COL4A2: variants seen among roughly 807,000 people sequenced by gnomAD.
COL4A2 encodes the protein collagen type IV alpha 2 chain.
COL4A2 carries 99 observed loss-of-function variants against 200.2 expected under a neutral mutation model. The ratio of observed to expected loss-of-function variants is 0.49; its 90% CI spans 0.42 to 0.58. COL4A2 has a LOEUF of 0.58. Ranked by LOEUF, COL4A2 falls within the 20% of genes least tolerant of loss-of-function variation. COL4A2 has a pLI of 0.00. For missense variants in COL4A2, 1,950 were observed against 2,314.1 expected, an observed-to-expected ratio of 0.84 and a Z score of 3.23; for synonymous variants, 897 against 900.6, an observed-to-expected ratio of 1.00 and a Z score of 0.07.
At chr13:110,310,365 A>G (rs1242616346) in intron 3 of COL4A2, among the ~76,000 whole-genome samples, 2 of 152,214 alleles carry the variant, frequency 1.3e-5, no homozygotes, top group Non-Finnish European at 2.9e-5. Context: ...CCCACATGAT[A>G]CCAGAATCTG....
At chr13:110,408,627 C>T (rs1013501085) in intron 4 of COL4A2, among the ~76,000 whole-genome samples, 4 of 152,148 alleles carry the variant, frequency 2.6e-5, no homozygotes, top group East Asian at 3.8e-4. Context: ...AAGCGGGATG[C>T]GCTGGTGTGG....
chr13:110,445,774 CTTTTTGGAG>C, intron 16 of COL4A2, 46 bp from the exon 17 acceptor site: 1 of 1,603,322 alleles, frequency 6.2e-7, no homozygotes, highest in East Asian at 2.2e-5. Flanking sequence ...ATTGCAGTCC[CTTTTTGGAG>C]TTATACATCA....
chr13:110,385,060 C>T (rs1878632727), intron 4 of COL4A2, among the ~76,000 whole-genome samples: 1 of 152,058 alleles, frequency 6.6e-6, no homozygotes, highest in Non-Finnish European at 1.5e-5. Flanking sequence ...GTCAGGAGAT[C>T]GAGACCGTCT....
intron 40 of COL4A2, among the ~76,000 whole-genome samples, chr13:110,496,997 T>G (rs28553946): frequency 6.8e-6 from 1 of 147,802 alleles, no homozygotes; most frequent in African/African-American, 2.5e-5. Context: ...CTAGGGTCAG[T>G]CCACCAGCAC....
chr13:110,464,586 G>T (rs1307892325), intron 24 of COL4A2, among the ~76,000 whole-genome samples: 2 of 152,136 alleles, frequency 1.3e-5, no homozygotes, highest in African/African-American at 4.8e-5. Context: ...AATAGAGCTG[G>T]ACCGGTGTCC....
intron 29 of COL4A2, among the ~76,000 whole-genome samples, chr13:110,474,383 A>G (rs13378377): frequency 0.029 from 4,425 of 152,284 alleles, 213 homozygotes; most frequent in African/African-American, 0.1. Flanking sequence ...TTTTCGGATG[A>G]GCCTGTGAGA....
chr13:110,318,788 G>A (rs1885209281), intron 3 of COL4A2, among the ~76,000 whole-genome samples: 1 of 152,114 alleles, frequency 6.6e-6, no homozygotes, highest in Admixed American at 6.5e-5. Context: ...CATCTACCTG[G>A]CTTTAGGTTG....
At position 110,504,245 on chromosome 13, in the gene COL4A2, G is replaced by T. The variant is rs201973817; in HGVS notation, c.4383G>T (p.Gln1461His). 86 of 1,613,812 alleles carry T rather than the reference G, an allele frequency of 5.3e-5. No individual in the cohort carries two copies. The highest frequency in any genetic ancestry group is 4.9e-4 in the Middle Eastern group (3 of 6,062). ...GAGATGAAGGACCCATAGGCCACCA[G>T]GGGCCGATTGGCCAAGAAGGTGAGT... ...FRGDEGPIGH[Q>H]GPIGQEGAPG... is the part of the protein sequence containing the mutation. The change falls in exon 45 of 48, where the codon CAG (glutamine) becomes CAT (histidine). Residue 1461 changes from glutamine (Q) to histidine (H), a missense_variant. Physicochemically the swap from Gln to His is conservative, Grantham distance 24. This residue lies in a region of COL4A2 where 1,385 missense variants were observed against 1,720.5 expected (regional missense o/e 0.80). Coordinates refer to ENST00000360467, the MANE Select transcript of COL4A2 (RefSeq NM_001846.4).
At chr13:110,438,124 C>T (rs935593669) in intron 14 of COL4A2, 87 bp downstream of exon 14, 12 of 1,054,912 alleles carry the variant, frequency 1.1e-5, no homozygotes, top group African/African-American at 9.5e-5. Flanking sequence ...ACCATGCGCT[C>T]GGGGCCCGCA....
chr13:110,502,892 T>C, intron 41 of COL4A2: 2 of 475,662 alleles, frequency 4.2e-6, no homozygotes, highest in South Asian at 2.8e-5. Flanking sequence ...TGGTCGGCGG[T>C]GAAGGTGAAT....
chr13:110,401,451 T>G (rs1879366771), intron 4 of COL4A2, among the ~76,000 whole-genome samples: 3 of 152,250 alleles, frequency 2.0e-5, no homozygotes, highest in Admixed American at 1.3e-4. Context: ...ACAATGGAGC[T>G]CTGTTTATAT....
chr13:110,505,072 C>T (rs369518877), intron 45 of COL4A2, among the ~76,000 whole-genome samples: 10 of 151,888 alleles, frequency 6.6e-5, no homozygotes, highest in East Asian at 5.8e-4. Context: ...ACATAGGGGC[C>T]GGGCGCGGTG....
intron 16 of COL4A2, among the ~76,000 whole-genome samples, chr13:110,440,218 A>G (rs1881068287): frequency 6.6e-6 from 1 of 152,162 alleles, no homozygotes; most frequent in African/African-American, 2.4e-5. Context: ...CACTTCATTT[A>G]TGTTTAATGA....
chr13:110,480,274 G>T lies in COL4A2; in HGVS notation c.2642G>T (p.Gly881Val). The T allele has an allele frequency of 1.2e-6, 2 of 1,613,760 alleles. No homozygotes were observed. The highest frequency in any genetic ancestry group is 2.2e-5 in the South Asian group (2 of 91,002). ...GACACAGGCGCTCCTGGCCCTGTGG[G>T]CATGAAAGGTCTCTCTGGTGACAGA... ...PGDTGAPGPV[G>V]MKGLSGDRGD... Residue 881 changes from glycine to valine, a missense_variant, in exon 31 of 48, where the codon GGC (glycine) becomes GTC (valine). Around this residue, in one of 2 missense-constraint regions of COL4A2, gnomAD observed 1,385 missense variants for 1,720.5 expected, o/e 0.80. Transcript: ENST00000360467.
At chr13:110,494,320 G>A (rs994464212) in intron 39 of COL4A2, among the ~76,000 whole-genome samples, 18 of 120,806 alleles carry the variant, frequency 1.5e-4, no homozygotes, top group African/African-American at 4.6e-4. Context: ...AGCTGAGATA[G>A]CATAGTGCAG....
chr13:110,377,759 A>T (rs183360413), intron 4 of COL4A2, among the ~76,000 whole-genome samples: 2 of 152,266 alleles, frequency 1.3e-5, no homozygotes, highest in African/African-American at 4.8e-5. Context: ...ATAGAAAAAC[A>T]TGTTAAAGAA....
chr13:110,371,186 C>T (rs1292744277), intron 4 of COL4A2, among the ~76,000 whole-genome samples: 1 of 152,190 alleles, frequency 6.6e-6, no homozygotes, highest in African/African-American at 2.4e-5. Flanking sequence ...ACTCTGCATC[C>T]TTTCCTAGCA....
At chr13:110,371,152 G>A (rs1416456428) in intron 4 of COL4A2, among the ~76,000 whole-genome samples, 2 of 152,220 alleles carry the variant, frequency 1.3e-5, no homozygotes, top group African/African-American at 4.8e-5. Context: ...TGGCATTTAT[G>A]GAGGACAAGG....
intron 41 of COL4A2, among the ~76,000 whole-genome samples, chr13:110,502,089 G>A (rs1253424533): frequency 2.0e-5 from 3 of 152,212 alleles, no homozygotes; most frequent in Non-Finnish European, 4.4e-5. Context: ...GTTTAGACAA[G>A]TATTAAATTT....
Sources: gnomAD v4.1 joint callset for allele counts (sites outside exome capture counted in the v4.1 genomes callset) on GRCh38, gnomAD v4.1.1 for gene constraint, gnomAD v4.1.1 regional missense constraint, MANE v1.5 for transcripts, NCBI Gene and HGNC (gene_info 2026-07-23, HGNC 2026-07-21) for gene names.